Variants in KEAP1 observed in about 807,000 individuals in gnomAD.
KEAP1 encodes the protein kelch like ECH associated protein 1, also known as kelch-like ECH-associated protein 1.
A neutral mutation model predicts 59.7 loss-of-function variants in KEAP1; 26 were observed. The observed-to-expected ratio is 0.44, with a 90% CI of 0.32 to 0.60. The LOEUF (loss-of-function observed/expected upper bound fraction) is 0.60. Among genes scored for constraint, KEAP1 ranks in the 20% least tolerant of loss-of-function variants. The pLI, the probability that KEAP1 is intolerant of heterozygous loss-of-function variation, is 0.06. For missense variants in KEAP1, 539 were observed against 871.4 expected, an observed-to-expected ratio of 0.62 and a Z score of 4.80; for synonymous variants, 350 against 358.3, an observed-to-expected ratio of 0.98 and a Z score of 0.26.
intron 2 of KEAP1, among the ~76,000 whole-genome samples, chr19:10,498,222 CAG>C (rs1404311013): frequency 2.3e-5 from 2 of 86,052 alleles, no homozygotes; most frequent in East Asian, 4.2e-4. Context: ...TTTTTTGAGA[CAG>C]AGTCTTGCTC....
At chr19:10,498,964 A>G (rs1209025581) in intron 2 of KEAP1, among the ~76,000 whole-genome samples, 1 of 151,816 alleles carries the variant, frequency 6.6e-6, no homozygotes, top group Non-Finnish European at 1.5e-5. Flanking sequence ...CCTCCTGAGC[A>G]GCTGGGACTA....
chr19:10,489,349 G>A lies in KEAP1; in HGVS notation c.1551C>T (p.Asn517=), dbSNP rs1413351876. The change falls in exon 5 of 6, where the codon AAC becomes AAT. Residue 517 remains asparagine (N), a synonymous_variant. Coordinates refer to ENST00000171111, the MANE Select transcript of KEAP1 (RefSeq NM_203500.2). The part of the protein sequence containing the change: ...RSGAGVCVLH[N]CIYAAGGYDG... Reference sequence around the variant, plus strand: ...CATAGCCCCCAGCAGCATAGATACAGTTGTGCAGGACGCAGACGCCTAAAG... The same window carrying A: ...CATAGCCCCCAGCAGCATAGATACAATTGTGCAGGACGCAGACGCCTAAAG... The A allele has an allele frequency of 3.1e-6, 5 of 1,613,794 alleles. No individual in the cohort carries two copies. Among genetic ancestry groups the A allele is most frequent in the Non-Finnish European group, 3.4e-6 (4 of 1,179,816 alleles).
chr19:10,497,247 C>A (rs915908959), intron 2 of KEAP1, among the ~76,000 whole-genome samples: 4 of 152,146 alleles, frequency 2.6e-5, no homozygotes, highest in Non-Finnish European at 5.9e-5. Flanking sequence ...AGACCACTTT[C>A]CTAGAAGCTG....
intron 3 of KEAP1, chr19:10,490,930 T>A (rs953240948): frequency 6.6e-6 from 1 of 151,266 alleles, no homozygotes; most frequent in African/African-American, 2.4e-5. Context: ...GCTCAAAGAG[T>A]CCTTTAGGTC....
chr19:10,500,110 CA>C (rs1347726543), intron 1 of KEAP1, 30 bp from the exon 2 acceptor site: 1 of 1,453,676 alleles, frequency 6.9e-7, no homozygotes, highest in Non-Finnish European at 9.2e-7. Context: ...GGGCAGAGGG[CA>C]GGGGTTGGGA....
intron 2 of KEAP1, among the ~76,000 whole-genome samples, chr19:10,493,400 G>A (rs1485616496): frequency 6.6e-6 from 1 of 151,912 alleles, no homozygotes; most frequent in Non-Finnish European, 1.5e-5. Context: ...CTGACCTTGT[G>A]ATCCACCCGC....
At position 10,489,244 on chromosome 19, in the gene KEAP1, G is replaced by C. The variant is rs759488132; in HGVS notation, c.1656C>G (p.His552Gln). Residue 552 changes from histidine (H) to glutamine (Q), a missense_variant, in exon 5 of 6, where the codon CAC becomes CAG. This residue lies in a region of KEAP1 where 311 missense variants were observed against 425.2 expected (regional missense o/e 0.73). Transcript: ENST00000171111. ...ETWTFVAPMK[H>Q]RRSALGITVH... ...CAGTGATCCCCAGGGCACTTCGCCG[G>C]TGCTTCATGGGGGCTACGAAAGTCC... is the stretch of plus-strand genomic sequence containing the variant. 6.2e-7 allele frequency: 1 copy of C among 1,612,830 alleles called. No homozygotes were observed. Among genetic ancestry groups the C allele is most frequent in the Non-Finnish European group, 8.5e-7 (1 of 1,179,992 alleles).
Position 10,492,037 on chromosome 19 carries a change from C to G in KEAP1, c.865G>C (p.Glu289Gln), listed in dbSNP as rs1213490014. ...CAGCGGGAGTCGGACTGCAGGATCT[C>G]GCACTTCTGCAGCTGCATCTGCAGG... ...NFLQMQLQKC[E>Q]ILQSDSRCKD... The change falls in exon 3 of 6, where the codon GAG becomes CAG. Residue 289 changes from glutamate (E) to glutamine (Q), a missense_variant. Coordinates refer to ENST00000171111, the MANE Select transcript of KEAP1 (RefSeq NM_203500.2). 1 of 1,614,062 alleles carries G rather than the reference C, an allele frequency of 6.2e-7. No homozygotes were observed. The highest frequency in any genetic ancestry group is 8.5e-7 in the Non-Finnish European group (1 of 1,180,046).
chr19:10,493,762 T>C (rs929670267), intron 2 of KEAP1, among the ~76,000 whole-genome samples: 5 of 147,574 alleles, frequency 3.4e-5, no homozygotes, highest in Non-Finnish European at 6.0e-5. Flanking sequence ...ACGGGGTGAC[T>C]GTGTTAGCCA....
In KEAP1 at chr19:10,499,476, G is replaced by C. The variant is rs2144624993; in HGVS notation, c.558C>G (p.Gly186=). Residue 186 remains glycine, a synonymous_variant, in exon 2 of 6, where the codon GGC becomes GGG. Transcript: ENST00000171111. The surrounding 1 kb of genome is among the most constrained non-coding windows in gnomAD (Gnocchi z 6.7). ...VQQLDPSNAI[G]IANFAEQIGC... Reference sequence around the variant, plus strand: ...CAATCTGCTCAGCGAAGTTGGCGATGCCGATGGCATTGCTGGGGTCCAGCT... The same window carrying C: ...CAATCTGCTCAGCGAAGTTGGCGATCCCGATGGCATTGCTGGGGTCCAGCT... The C allele has an allele frequency of 1.2e-6, 2 of 1,614,156 alleles. No homozygotes were observed. Among genetic ancestry groups the C allele is most frequent in the Non-Finnish European group, 1.7e-6 (2 of 1,180,038 alleles).
At chr19:10,495,487 C>A (rs1914820849) in intron 2 of KEAP1, among the ~76,000 whole-genome samples, 1 of 152,098 alleles carries the variant, frequency 6.6e-6, no homozygotes, top group African/African-American at 2.4e-5. Flanking sequence ...CACCTGAGGT[C>A]AGAAGTCCGA....
chr19:10,498,926 C>T (rs950733706), intron 2 of KEAP1, among the ~76,000 whole-genome samples: 6 of 151,974 alleles, frequency 3.9e-5, no homozygotes, highest in Non-Finnish European at 7.4e-5. Context: ...ACCTCCACCT[C>T]TTGGTTCAAG....
chr19:10,495,124 G>A (rs1291599311), intron 2 of KEAP1, among the ~76,000 whole-genome samples: 1 of 151,826 alleles, frequency 6.6e-6, no homozygotes, highest in Non-Finnish European at 1.5e-5. Context: ...ACCACACCCG[G>A]CTAATTTTTG....
intron 3 of KEAP1, 102 bp from the exon 4 acceptor site, chr19:10,489,955 T>G: frequency 3.4e-6 from 4 of 1,173,616 alleles, no homozygotes. Context: ...TTTTTCCCCC[T>G]TAAAGAGACA....
chr19:10,494,865 A>G (rs527877308), intron 2 of KEAP1, among the ~76,000 whole-genome samples: 32 of 148,022 alleles, frequency 2.2e-4, no homozygotes, highest in Admixed American at 2.1e-3. Flanking sequence ...CATGTTAGCT[A>G]GGATGGTCTC....
chr19:10,496,497 A>C (rs111827213), intron 2 of KEAP1, among the ~76,000 whole-genome samples: 16,802 of 136,002 alleles, frequency 0.12, 1,144 homozygotes, highest in African/African-American at 0.2. Context: ...TCTGTCCCCC[A>C]CCCCCAAAAA....
Position 10,502,312 on chromosome 19 carries a change from A to G in KEAP1, c.-48+929T>C, listed in dbSNP as rs1915069186. The G allele has an allele frequency of 6.6e-6, 1 of 152,270 alleles. No homozygotes were observed. Among genetic ancestry groups the G allele is most frequent in the African/African-American group, 2.4e-5 (1 of 41,448 alleles). The allele number at this position is 152,270 out of a possible 1,614,324, so 9.4% of individuals were successfully genotyped here. ...GCACCGGGCACTTCCCCCACCCTAC[A>G]AAGCGGCAAGTGGGCGACTGCGCAT... On this transcript the variant is annotated intron_variant, in intron 1 of 5. Transcript: ENST00000171111. The surrounding 1 kb of genome is among the most constrained non-coding windows in gnomAD (Gnocchi z 4.0).
chr19:10,499,026 G>C lies in KEAP1; in HGVS notation c.639+369C>G, dbSNP rs1415413399. On this transcript the variant is annotated intron_variant, in intron 2 of 5. Transcript: ENST00000171111. The surrounding 1 kb of genome is among the most constrained non-coding windows in gnomAD (Gnocchi z 6.7). ...ATTTTTATATTTTTAGTAGAGATGG[G>C]TTTTAGCTATGTGGGCCAGGCTGGT... Among the ~76,000 whole-genome samples the C allele has an allele frequency of 6.6e-6, 1 of 151,958 alleles. No homozygotes were observed. The highest frequency in any genetic ancestry group is 1.5e-5 in the Non-Finnish European group (1 of 68,010).
chr19:10,491,707 T>C lies in KEAP1; in HGVS notation c.1195A>G (p.Met399Val). The change falls in exon 3 of 6, where the codon ATG becomes GTG. Residue 399 changes from methionine (M) to valine (V), a missense_variant. By Grantham distance (21) the Met-to-Val change is conservative. Around this residue, in one of 4 missense-constraint regions of KEAP1, gnomAD observed 311 missense variants for 425.2 expected, o/e 0.73. Coordinates refer to ENST00000171111, the MANE Select transcript of KEAP1 (RefSeq NM_203500.2). The surrounding 1 kb of genome is among the most constrained non-coding windows in gnomAD (Gnocchi z 5.2). ...GCGCAGGGCGACCACTGATTGGTCA[T>C]GGGGTTGTAACAGTCCAGGGCGCTG... ...DSSALDCYNP[M>V]TNQWSPCAPM... The C allele has an allele frequency of 3.2e-6, 5 of 1,571,228 alleles. No individual in the cohort carries two copies. The highest frequency in any genetic ancestry group is 4.3e-6 in the Non-Finnish European group (5 of 1,159,188).
Sources: allele counts gnomAD v4.1 joint callset (sites outside exome capture counted in the v4.1 genomes callset), GRCh38; gene constraint gnomAD v4.1.1; regional missense constraint gnomAD v4.1.1; non-coding constraint Gnocchi (gnomAD v3.1); transcripts MANE v1.5; gene names NCBI Gene and HGNC (gene_info 2026-07-23, HGNC 2026-07-21).